The following SERPINI1 variants were observed in gnomAD, a reference collection of about 807,000 sequenced individuals.
The protein encoded by SERPINI1 is serpin family I member 1, also known as neuroserpin.
A neutral mutation model predicts 41.1 loss-of-function variants in SERPINI1; 19 were observed. That is an observed-to-expected ratio of 0.46 (90% CI 0.32 to 0.68). The LOEUF is 0.68. Ranked by LOEUF, SERPINI1 falls within the 30% of genes least tolerant of loss-of-function variation. SERPINI1 has a pLI of 0.03. For synonymous variants in SERPINI1, 138 were observed against 156.6 expected, an observed-to-expected ratio of 0.88 and a Z score of 0.89; for missense variants, 460 against 479.2, an observed-to-expected ratio of 0.96 and a Z score of 0.37.
At chr3:167,745,871 A>G (rs1725847867) in intron 1 of SERPINI1, among the ~76,000 whole-genome samples, 1 of 152,198 alleles carries the variant, frequency 6.6e-6, no homozygotes, top group Non-Finnish European at 1.5e-5. Context: ...TTTTACAACA[A>G]AAACACCAAA....
intron 1 of SERPINI1, among the ~76,000 whole-genome samples, chr3:167,738,028 A>G (rs1193505520): frequency 6.6e-6 from 1 of 151,996 alleles, no homozygotes; most frequent in Non-Finnish European, 1.5e-5. Context: ...TTTACCTTGC[A>G]CTCTTGATTC....
chr3:167,751,968 C>T (rs1726061056), intron 1 of SERPINI1, among the ~76,000 whole-genome samples: 1 of 152,062 alleles, frequency 6.6e-6, no homozygotes, highest in Non-Finnish European at 1.5e-5. Flanking sequence ...TATGGTTCAA[C>T]CTAATACAAT....
At position 167,772,891 on chromosome 3, in the gene SERPINI1, TATACACAC is replaced by T. The variant is rs1369814048; in HGVS notation, c.-18-16218_-18-16211del. ...ATATATATATATATATATATATATA[TATACACAC>T]ACACACACACACACACACACACATG... is the stretch of plus-strand genomic sequence containing the variant. On this transcript the variant is annotated intron_variant, in intron 1 of 8. Transcript: ENST00000446050. 5.8e-4 allele frequency among the ~76,000 whole-genome samples: 43 copies of T among 73,676 alleles called. 1 individual carries two copies. Among genetic ancestry groups the T allele is most frequent in the South Asian group, 7.9e-4 (2 of 2,522 alleles). The allele number at this position is 73,676 out of a possible 152,430, so 48.3% of individuals were successfully genotyped here. A position where few individuals can be genotyped will look rare whatever the true frequency, so the allele number is the denominator to read the frequency against.
intron 1 of SERPINI1, among the ~76,000 whole-genome samples, chr3:167,781,087 T>A (rs1727106449): frequency 6.7e-6 from 1 of 149,902 alleles, no homozygotes. Context: ...TCACAAAGTG[T>A]GACCCCCTTT....
chr3:167,741,733 C>T (rs1163076914), intron 1 of SERPINI1, among the ~76,000 whole-genome samples: 1 of 152,146 alleles, frequency 6.6e-6, no homozygotes, highest in East Asian at 1.9e-4. Flanking sequence ...TATATTCAAC[C>T]TTCCAGTTAA....
chr3:167,736,706 T>C lies in SERPINI1; in HGVS notation c.-19+883T>C, dbSNP rs552450995. On this transcript the variant is annotated intron_variant, in intron 1 of 8. Coordinates refer to ENST00000446050, the MANE Select transcript of SERPINI1 (RefSeq NM_001122752.2). ...TGTAGTGTCATAAAATAATAGTTTA[T>C]TCTCGGTATTAAACTATATGTGCAT... 1.1e-4 allele frequency among the ~76,000 whole-genome samples: 16 copies of C among 152,332 alleles called. No homozygotes were observed. The South Asian group carries it at 2.9e-3, about 28-fold the overall frequency.
intron 6 of SERPINI1, among the ~76,000 whole-genome samples, chr3:167,812,270 C>T (rs1239023930): frequency 6.6e-6 from 1 of 152,196 alleles, no homozygotes; most frequent in African/African-American, 2.4e-5. Context: ...CAAAGCCAGC[C>T]TTCAGTCACC....
At chr3:167,751,806 G>A (rs541766921) in intron 1 of SERPINI1, among the ~76,000 whole-genome samples, 1 of 152,006 alleles carries the variant, frequency 6.6e-6, no homozygotes, top group African/African-American at 2.4e-5. Flanking sequence ...TCCAATATTA[G>A]TGATTCTCCT....
Position 167,792,620 on chromosome 3 carries a change from A to C in SERPINI1, c.512A>C (p.Asp171Ala), listed in dbSNP as rs768902962. Residue 171 changes from aspartate to alanine, a missense_variant, in exon 4 of 9, where the codon GAT becomes GCT. Asp to Ala is a moderately radical substitution (Grantham distance 126). Transcript: ENST00000446050. ...NLVKDLVSPR[D>A]FDAATYLALI... ...GTGAAAGATTTGGTATCCCCAAGGG[A>C]TTTTGATGCTGCCACTTATCTGGCC... The C allele has an allele frequency of 1.2e-5, 19 of 1,613,392 alleles. No individual in the cohort carries two copies. The highest frequency in any genetic ancestry group is 1.6e-5 in the Non-Finnish European group (19 of 1,179,810).
chr3:167,793,630 A>G lies in SERPINI1; in HGVS notation c.676+846A>G, dbSNP rs1577421276. ...TAGCTAGGCATAATGGTACATACCT[A>G]TAGTCCTAGCTACTTGGGAGGCTGA... is the stretch of plus-strand genomic sequence containing the variant. On this transcript the variant is annotated intron_variant, in intron 4 of 8. Transcript: ENST00000446050. Among the ~76,000 whole-genome samples the G allele has an allele frequency of 4.1e-5, 6 of 147,220 alleles. 1 individual carries two copies. In the South Asian group the frequency reaches 1.3e-3, roughly 31 times the overall value.
At chr3:167,775,276 AT>A (rs899280097) in intron 1 of SERPINI1, among the ~76,000 whole-genome samples, 1 of 133,620 alleles carries the variant, frequency 7.5e-6, no homozygotes, top group African/African-American at 2.8e-5. Flanking sequence ...TATTATTATT[AT>A]TTGAGACAGA....
intron 5 of SERPINI1, among the ~76,000 whole-genome samples, chr3:167,795,714 G>C (rs1727688193): frequency 6.6e-6 from 1 of 151,772 alleles, no homozygotes; most frequent in African/African-American, 2.4e-5. Context: ...CTTTTTGTAG[G>C]GCTAGTTTTC....
At chr3:167,749,370 A>G (rs1295437839) in intron 1 of SERPINI1, among the ~76,000 whole-genome samples, 1 of 150,940 alleles carries the variant, frequency 6.6e-6, no homozygotes. Context: ...TCATTAAAAC[A>G]TAATGTTCAG....
chr3:167,797,450 TTTTCTTCTAGGG>T (rs1434265826), intron 5 of SERPINI1, among the ~76,000 whole-genome samples: 1 of 152,092 alleles, frequency 6.6e-6, no homozygotes, highest in East Asian at 1.9e-4. Flanking sequence ...ATTGCCTAGG[TTTTCTTCTAGGG>T]TTTTTATAGT....
intron 6 of SERPINI1, among the ~76,000 whole-genome samples, chr3:167,817,647 G>A (rs146533111): frequency 0.021 from 3,109 of 151,618 alleles, 100 homozygotes; most frequent in African/African-American, 0.069. Flanking sequence ...GCCCAGGCTC[G>A]AGTGCAGTGG....
chr3:167,760,217 A>C (rs914795297), intron 1 of SERPINI1, among the ~76,000 whole-genome samples: 23 of 152,140 alleles, frequency 1.5e-4, no homozygotes, highest in Admixed American at 4.6e-4. Flanking sequence ...GGTGCTTAAA[A>C]TTCTGCTTCT....
intron 1 of SERPINI1, among the ~76,000 whole-genome samples, chr3:167,787,866 A>G (rs1289057982): frequency 6.6e-6 from 1 of 152,248 alleles, no homozygotes; most frequent in Non-Finnish European, 1.5e-5. Context: ...GGAGTTACAA[A>G]TAAATGTTAC....
rs532092055 is a variant in SERPINI1 at position 167,812,679 on chromosome 3, G to T, written c.979+5338G>T. Among the ~76,000 whole-genome samples the T allele has an allele frequency of 7.0e-4, 106 of 152,226 alleles. 1 individual carries two copies. The Middle Eastern group carries it at 0.037, about 54-fold the overall frequency. On this transcript the variant is annotated intron_variant, in intron 6 of 8. Transcript: ENST00000446050. ...TGCCCAGCACTGTGCTTTCTGCTTA[G>T]GACCTACTGAATGAAGAAATGAATA...
At position 167,787,787 on chromosome 3, in the gene SERPINI1, A is replaced by AC. The variant is rs200521838; in HGVS notation, c.-18-1324_-18-1323insC. 4.7e-4 allele frequency among the ~76,000 whole-genome samples: 71 copies of AC among 152,282 alleles called. No homozygotes were observed. In the East Asian group the frequency reaches 0.01, roughly 22 times the overall value. ...CAGAGGACGTTGGAACTTTTCAGACAAAAAAACTGTTGCTTCTAACATGAA... is the reference window on the plus strand; with the variant it reads ...CAGAGGACGTTGGAACTTTTCAGACACAAAAAACTGTTGCTTCTAACATGAA... On this transcript the variant is annotated intron_variant, in intron 1 of 8. Transcript: ENST00000446050.
Sources: gnomAD v4.1 joint callset for allele counts (sites outside exome capture counted in the v4.1 genomes callset) on GRCh38, gnomAD v4.1.1 for gene constraint, MANE v1.5 for transcripts, NCBI Gene and HGNC (gene_info 2026-07-23, HGNC 2026-07-21) for gene names.